The following SNTB1 variants were observed in gnomAD, a reference collection of about 807,000 sequenced individuals.
SNTB1 encodes the protein beta-1-syntrophin.
A neutral mutation model predicts 48.9 loss-of-function variants in SNTB1; 36 were observed. The observed-to-expected ratio is 0.74, with a 90% CI of 0.56 to 0.97. SNTB1 has a LOEUF of 0.97. Ranked by LOEUF, SNTB1 falls within the 50% of genes least tolerant of loss-of-function variation. The pLI, the probability that SNTB1 is intolerant of heterozygous loss-of-function variation, is 0.00. For synonymous variants in SNTB1, 299 were observed against 294.6 expected (o/e 1.01, Z -0.15); for missense variants, 786 against 703.4 (o/e 1.12, Z -1.33).
intron 2 of SNTB1, among the ~76,000 whole-genome samples, chr8:120,676,942 C>G (rs1817846723): frequency 6.6e-6 from 1 of 151,886 alleles, no homozygotes; most frequent in Admixed American, 6.6e-5. Context: ...TGTGCACCTG[C>G]AGTCCCAGCT....
chr8:120,795,165 C>T (rs1587168833), intron 1 of SNTB1, among the ~76,000 whole-genome samples: 2 of 151,534 alleles, frequency 1.3e-5, no homozygotes, highest in South Asian at 2.1e-4. Context: ...AGCAATGATA[C>T]GTGTAAAGAT....
Position 120,741,502 on chromosome 8 carries a change from G to C in SNTB1, c.572-47594C>G, listed in dbSNP as rs139608103. 6.1e-3 allele frequency among the ~76,000 whole-genome samples: 926 copies of C among 152,282 alleles called. 10 individuals are homozygous for C. Among genetic ancestry groups the C allele is most frequent in the African/African-American group, 0.021 (890 of 41,542 alleles). ...TGAGCCCCTGTAGTCCCAGCTACTC[G>C]GGTGGTTGAAGTGGGAGGATTGCTT... On this transcript the variant is annotated intron_variant, in intron 1 of 6. Transcript: ENST00000517992.
intron 1 of SNTB1, among the ~76,000 whole-genome samples, chr8:120,806,929 C>T (rs1432444132): frequency 1.3e-5 from 2 of 152,184 alleles, no homozygotes; most frequent in African/African-American, 2.4e-5. Context: ...CGATCATTCC[C>T]ACTTCCACCC....
At chr8:120,640,443 C>T (rs1817171897) in intron 2 of SNTB1, among the ~76,000 whole-genome samples, 1 of 152,200 alleles carries the variant, frequency 6.6e-6, no homozygotes, top group Non-Finnish European at 1.5e-5. Context: ...GAGAGGGCAT[C>T]CCTGTCTTGT....
intron 1 of SNTB1, among the ~76,000 whole-genome samples, chr8:120,732,283 T>C (rs1300814762): frequency 1.3e-5 from 2 of 152,198 alleles, no homozygotes. Context: ...GAAGCCAGCA[T>C]TACAGTTTAT....
intron 1 of SNTB1, among the ~76,000 whole-genome samples, chr8:120,732,709 G>A (rs1483878248): frequency 6.6e-6 from 1 of 152,162 alleles, no homozygotes; most frequent in East Asian, 1.9e-4. Flanking sequence ...AGCTGGGCAT[G>A]TTGGCGCATG....
At chr8:120,666,860 T>A (rs1352180127) in intron 2 of SNTB1, among the ~76,000 whole-genome samples, 2 of 152,198 alleles carry the variant, frequency 1.3e-5, no homozygotes, top group Non-Finnish European at 2.9e-5. Context: ...ATGTTTTCCA[T>A]CCACACATTG....
At chr8:120,755,138 G>GGT (rs1185690178) in intron 1 of SNTB1, among the ~76,000 whole-genome samples, 5,752 of 89,124 alleles carry the variant, frequency 0.065, 370 homozygotes, top group African/African-American at 0.33. Flanking sequence ...GCTATGCTGT[G>GGT]GTGTTGTGTG....
intron 2 of SNTB1, among the ~76,000 whole-genome samples, chr8:120,692,978 A>G (rs1299165576): frequency 6.6e-6 from 1 of 152,208 alleles, no homozygotes; most frequent in Non-Finnish European, 1.5e-5. Flanking sequence ...CAAGTTGTAC[A>G]GGAAGCATGG....
intron 4 of SNTB1, among the ~76,000 whole-genome samples, chr8:120,553,380 G>GT (rs1815514675): frequency 6.6e-6 from 1 of 152,190 alleles, no homozygotes; most frequent in Non-Finnish European, 1.5e-5. Flanking sequence ...GTATAGTACT[G>GT]TATGTAAACT....
intron 1 of SNTB1, among the ~76,000 whole-genome samples, chr8:120,711,515 A>G (rs1818463893): frequency 6.6e-6 from 1 of 152,178 alleles, no homozygotes; most frequent in Admixed American, 6.5e-5. Flanking sequence ...TCCATGCAAG[A>G]CTGTTTACTG....
intron 1 of SNTB1, among the ~76,000 whole-genome samples, chr8:120,782,176 C>T (rs1330644811): frequency 2.6e-5 from 4 of 152,122 alleles, no homozygotes; most frequent in Non-Finnish European, 5.9e-5. Flanking sequence ...TCAAATTTCC[C>T]CTTTTTATAA....
At chr8:120,547,956 C>T (rs1815410961) in intron 5 of SNTB1, among the ~76,000 whole-genome samples, 1 of 152,090 alleles carries the variant, frequency 6.6e-6, no homozygotes, top group African/African-American at 2.4e-5. Context: ...TTTATCCCCT[C>T]CAAATCTCAT....
At chr8:120,637,161 G>A (rs553804894) in intron 2 of SNTB1, 3 of 314,128 alleles carry the variant, frequency 9.6e-6, no homozygotes, top group Middle Eastern at 4.2e-4. Context: ...GTTTGCATAA[G>A]CAAACATGGG....
In SNTB1 at chr8:120,658,297, T is replaced by G. The variant is rs530504346; in HGVS notation, c.789-25646A>C. Among the ~76,000 whole-genome samples the G allele has an allele frequency of 5.3e-5, 8 of 152,160 alleles. No homozygotes were observed. The South Asian group carries it at 1.2e-3, about 24-fold the overall frequency. On this transcript the variant is annotated intron_variant, in intron 2 of 6. Coordinates refer to ENST00000517992, the MANE Select transcript of SNTB1 (RefSeq NM_021021.4). The stretch of plus-strand genomic sequence containing the variant: ...CCAAGAGAGTATGCTGAAGAGGAGA[T>G]AGAAGCTGGATGGGACAGGAAGGAT...
At chr8:120,637,339 T>A (rs1016806903) in intron 2 of SNTB1, 17 of 266,376 alleles carry the variant, frequency 6.4e-5, no homozygotes, top group African/African-American at 3.9e-4. Flanking sequence ...CCTCACTACC[T>A]AAGAAATCAG....
chr8:120,636,883 C>CT, intron 2 of SNTB1: 1 of 243,018 alleles, frequency 4.1e-6, no homozygotes, highest in East Asian at 1.0e-4. Context: ...GAACTCAAGG[C>CT]TTTTATAGAG....
intron 2 of SNTB1, among the ~76,000 whole-genome samples, chr8:120,636,258 A>T (rs959854494): frequency 4.6e-5 from 7 of 150,550 alleles, no homozygotes; most frequent in African/African-American, 1.7e-4. Context: ...TTTTATTATT[A>T]TACTTTAAGT....
At chr8:120,700,949 T>A (rs1349331326) in intron 1 of SNTB1, among the ~76,000 whole-genome samples, 1 of 152,118 alleles carries the variant, frequency 6.6e-6, no homozygotes, top group Admixed American at 6.5e-5. Context: ...GAAAAAAAAT[T>A]CATTGCTTTA....
Sources: gnomAD v4.1 joint callset for allele counts (sites outside exome capture counted in the v4.1 genomes callset) on GRCh38, gnomAD v4.1.1 for gene constraint, MANE v1.5 for transcripts, NCBI Gene and HGNC (gene_info 2026-07-23, HGNC 2026-07-21) for gene names.